The following POC1A variants were observed in gnomAD, a reference collection of about 807,000 sequenced individuals.
POC1A encodes the protein POC1 centriolar protein A.
A neutral mutation model predicts 47.8 loss-of-function variants in POC1A; 34 were observed. The observed-to-expected ratio is 0.71, with a 90% CI of 0.54 to 0.95. POC1A has a LOEUF of 0.95. Ranked by LOEUF, POC1A falls within the 40% of genes least tolerant of loss-of-function variation. POC1A has a pLI of 0.00. For missense variants in POC1A, 466 were observed against 528.3 expected, an observed-to-expected ratio of 0.88 and a Z score of 1.16; for synonymous variants, 177 against 207.6, an observed-to-expected ratio of 0.85 and a Z score of 1.27.
intron 9 of POC1A, among the ~76,000 whole-genome samples, chr3:52,105,374 C>T (rs1289650527): frequency 2.0e-5 from 3 of 152,244 alleles, no homozygotes; most frequent in Middle Eastern, 3.2e-3. Context: ...CTCACAGACA[C>T]AGATGTTTCT....
At chr3:52,135,445 A>AC (rs1290104769) in intron 7 of POC1A, among the ~76,000 whole-genome samples, 2 of 152,298 alleles carry the variant, frequency 1.3e-5, no homozygotes, top group African/African-American at 4.8e-5. Flanking sequence ...GTACAGTGGC[A>AC]CAATCACAGA....
At chr3:52,107,949 G>A (rs1047817132) in intron 9 of POC1A, among the ~76,000 whole-genome samples, 6 of 152,144 alleles carry the variant, frequency 3.9e-5, no homozygotes, top group Non-Finnish European at 8.8e-5. Flanking sequence ...TCCTACCGAT[G>A]CATTTATTAT....
intron 4 of POC1A, among the ~76,000 whole-genome samples, chr3:52,147,368 T>C (rs1698402362): frequency 6.6e-6 from 1 of 152,198 alleles, no homozygotes; most frequent in Non-Finnish European, 1.5e-5. Flanking sequence ...AGTTAACTTT[T>C]AGCACATCAT....
At chr3:52,142,382 A>G (rs1698226856) in intron 6 of POC1A, among the ~76,000 whole-genome samples, 1 of 152,230 alleles carries the variant, frequency 6.6e-6, no homozygotes, top group Non-Finnish European at 1.5e-5. Context: ...CTCTGCAGTG[A>G]TAGGCCAGAG....
intron 10 of POC1A, among the ~76,000 whole-genome samples, chr3:52,096,357 T>C (rs1702813059): frequency 6.6e-6 from 1 of 152,250 alleles, no homozygotes; most frequent in Non-Finnish European, 1.5e-5. Context: ...GCATTGGGGA[T>C]TTTGGAGTCT....
intron 10 of POC1A, among the ~76,000 whole-genome samples, chr3:52,089,101 T>A (rs1374204427): frequency 6.6e-6 from 1 of 151,822 alleles, no homozygotes; most frequent in Non-Finnish European, 1.5e-5. Flanking sequence ...CCATGGGAGC[T>A]GCCACCCAGT....
Position 52,096,307 on chromosome 3 carries a change from C to T in POC1A, c.1125+262G>A, listed in dbSNP as rs140590439. Among the ~76,000 whole-genome samples, 12 of 152,326 alleles carry T rather than the reference C, an allele frequency of 7.9e-5. No homozygotes were observed. In the East Asian group the frequency reaches 2.3e-3, roughly 29 times the overall value. On this transcript the variant is annotated intron_variant, in intron 10 of 10. Transcript: ENST00000296484. ...TGTTTCTTTCAAAGCTCTTCAGTGGCCCAGGCCAGCTCTAGGTGAGCACAC... is the reference window on the plus strand; with the variant it reads ...TGTTTCTTTCAAAGCTCTTCAGTGGTCCAGGCCAGCTCTAGGTGAGCACAC...
intron 2 of POC1A, among the ~76,000 whole-genome samples, 175 bp downstream of exon 2, chr3:52,150,841 T>G (rs1437776660): frequency 6.6e-6 from 1 of 152,008 alleles, no homozygotes; most frequent in African/African-American, 2.4e-5. Flanking sequence ...GCATGTAAAA[T>G]GAAGCTCATG....
intron 7 of POC1A, among the ~76,000 whole-genome samples, chr3:52,134,453 G>A (rs1704359824): frequency 6.6e-6 from 1 of 152,050 alleles, no homozygotes; most frequent in African/African-American, 2.4e-5. Flanking sequence ...CCAACACGGT[G>A]AAACCCCGTC....
chr3:52,089,028 G>C (rs894477045), intron 10 of POC1A, among the ~76,000 whole-genome samples: 2 of 151,604 alleles, frequency 1.3e-5, no homozygotes, highest in African/African-American at 4.9e-5. Context: ...TTGGAAGGGG[G>C]TGCTTTCTGC....
At position 52,090,865 on chromosome 3, in the gene POC1A, G is replaced by A. The variant is rs922644294; in HGVS notation, c.1125+5704C>T. Among the ~76,000 whole-genome samples the A allele has an allele frequency of 2.7e-4, 41 of 152,102 alleles. No homozygotes were observed. The highest frequency in any genetic ancestry group is 9.4e-4 in the African/African-American group (39 of 41,412). ...CAGAATGGAGGAGCCTGGCCTGGGGGGCAGGCAGATGAAAAGGCCCCAGGG... is the reference window on the plus strand; with the variant it reads ...CAGAATGGAGGAGCCTGGCCTGGGGAGCAGGCAGATGAAAAGGCCCCAGGG... On this transcript the variant is annotated intron_variant, in intron 10 of 10. Transcript: ENST00000296484. This position sits in a 1 kb window ranked among gnomAD's most constrained non-coding sequence, Gnocchi z 4.2.
chr3:52,131,364 T>C (rs7628987), intron 7 of POC1A, among the ~76,000 whole-genome samples: 1,932 of 152,152 alleles, frequency 0.013, 40 homozygotes, highest in African/African-American at 0.044. Context: ...TTCTATAAAA[T>C]GAGGGGGTGA....
At chr3:52,088,666 G>T (rs1249496810) in intron 10 of POC1A, among the ~76,000 whole-genome samples, 1 of 152,064 alleles carries the variant, frequency 6.6e-6, no homozygotes, top group Non-Finnish European at 1.5e-5. Context: ...CATAACACAG[G>T]CCCCTTTCTT....
At chr3:52,129,727 C>T (rs1025245158) in intron 7 of POC1A, among the ~76,000 whole-genome samples, 1 of 152,224 alleles carries the variant, frequency 6.6e-6, no homozygotes. Context: ...GGAGATGGTC[C>T]TGCTTAACCA....
At chr3:52,123,713 T>C (rs1044353410) in intron 8 of POC1A, among the ~76,000 whole-genome samples, 3 of 152,126 alleles carry the variant, frequency 2.0e-5, no homozygotes, top group South Asian at 2.1e-4. Context: ...TGAATGCAAA[T>C]AGACAATGCC....
Position 52,084,345 on chromosome 3 carries a change from C to T in POC1A, c.1126-8360G>A, listed in dbSNP as rs1702390351. Among the ~76,000 whole-genome samples the T allele has an allele frequency of 6.6e-6, 1 of 152,210 alleles. No individual in the cohort carries two copies. Among genetic ancestry groups the T allele is most frequent in the African/African-American group, 2.4e-5 (1 of 41,444 alleles). On this transcript the variant is annotated intron_variant, in intron 10 of 10. Coordinates refer to ENST00000296484, the MANE Select transcript of POC1A (RefSeq NM_015426.5). The surrounding 1 kb of genome is among the most constrained non-coding windows in gnomAD (Gnocchi z 4.3). ...CTCATGGGCAAACATGGCAGGGAAGCTGGAGCCGTAACTTCTCCAAAACTG... is the reference window on the plus strand; with the variant it reads ...CTCATGGGCAAACATGGCAGGGAAGTTGGAGCCGTAACTTCTCCAAAACTG...
At chr3:52,139,364 C>T (rs1429560979) in intron 6 of POC1A, among the ~76,000 whole-genome samples, 5 of 152,192 alleles carry the variant, frequency 3.3e-5, no homozygotes, top group African/African-American at 1.2e-4. Context: ...CTCTCTTTTC[C>T]CTACCATCTC....
intron 7 of POC1A, among the ~76,000 whole-genome samples, chr3:52,137,358 C>T (rs780397973): frequency 1.3e-5 from 2 of 152,118 alleles, no homozygotes; most frequent in Middle Eastern, 3.2e-3. Context: ...GCTGATAGTC[C>T]AAGACACATA....
At chr3:52,141,220 T>C (rs1365628391) in intron 6 of POC1A, among the ~76,000 whole-genome samples, 2 of 152,222 alleles carry the variant, frequency 1.3e-5, no homozygotes, top group Non-Finnish European at 2.9e-5. Context: ...AGCAGAGACC[T>C]GAGTACACCC....
Sources: allele counts gnomAD v4.1 joint callset (sites outside exome capture counted in the v4.1 genomes callset), GRCh38; gene constraint gnomAD v4.1.1; non-coding constraint Gnocchi (gnomAD v3.1); transcripts MANE v1.5; gene names NCBI Gene and HGNC (gene_info 2026-07-23, HGNC 2026-07-21).